The following HMGCLL1 variants were observed in gnomAD, a reference collection of about 807,000 sequenced individuals.
HMGCLL1 encodes the protein 3-hydroxy-3-methylglutaryl-CoA lyase like 1, also known as 3-hydroxymethyl-3-methylglutaryl-CoA lyase, cytoplasmic.
Under a neutral mutation model 39.1 loss-of-function variants are expected in HMGCLL1, and 36 were observed. The ratio of observed to expected loss-of-function variants is 0.92; its 90% CI spans 0.71 to 1.22. HMGCLL1 has a LOEUF of 1.22. Ranked by LOEUF, HMGCLL1 falls within the 50% of genes most tolerant of loss-of-function variation. The pLI, the probability that HMGCLL1 is intolerant of heterozygous loss-of-function variation, is 0.00. For missense variants in HMGCLL1, 451 were observed against 416.5 expected (o/e 1.08, Z -0.72); for synonymous variants, 149 against 144.0 (o/e 1.03, Z -0.25).
chr6:55,539,165 T>C (rs187014969), intron 3 of HMGCLL1, among the ~76,000 whole-genome samples: 10 of 152,186 alleles, frequency 6.6e-5, no homozygotes, highest in Non-Finnish European at 1.5e-4. Flanking sequence ...TTCCACAAAG[T>C]AATACAGTTA....
chr6:55,495,917 C>T (rs550027223), intron 6 of HMGCLL1, among the ~76,000 whole-genome samples: 76 of 152,108 alleles, frequency 5.0e-4, no homozygotes, highest in Non-Finnish European at 9.9e-4. Flanking sequence ...TTATGGGAGG[C>T]GTATGTTTCT....
chr6:55,577,198 T>G, intron 1 of HMGCLL1: 1 of 1,553,388 alleles, frequency 6.4e-7, no homozygotes, highest in Non-Finnish European at 8.7e-7. Context: ...AAGCCAAGTG[T>G]CAGATGTTAG....
At chr6:55,476,455 T>C (rs1765290606) in intron 7 of HMGCLL1, among the ~76,000 whole-genome samples, 1 of 151,650 alleles carries the variant, frequency 6.6e-6, no homozygotes, top group Non-Finnish European at 1.5e-5. Flanking sequence ...ATTTTAATAG[T>C]ATACCTATAA....
chr6:55,634,889 T>G, the HMGCLL1 span, among the ~76,000 whole-genome samples: 1 of 152,108 alleles, frequency 6.6e-6, no homozygotes, highest in Non-Finnish European at 1.5e-5. Context: ...ATAAAAGAAA[T>G]TTAAAGAAAA....
At chr6:55,531,979 T>A (rs1768713007) in intron 3 of HMGCLL1, among the ~76,000 whole-genome samples, 1 of 152,078 alleles carries the variant, frequency 6.6e-6, no homozygotes, top group South Asian at 2.1e-4. Flanking sequence ...GAAAAAGACA[T>A]AGTAAACGTA....
intron 4 of HMGCLL1, among the ~76,000 whole-genome samples, chr6:55,515,460 G>A (rs62405366): frequency 0.16 from 23,979 of 152,058 alleles, 2,413 homozygotes; most frequent in Admixed American, 0.24. Flanking sequence ...ACAAACAACT[G>A]TGTAAACTAA....
the HMGCLL1 span, among the ~76,000 whole-genome samples, chr6:55,610,734 C>G: frequency 1.3e-5 from 2 of 152,120 alleles, no homozygotes; most frequent in African/African-American, 2.4e-5. Flanking sequence ...ACATAATCAT[C>G]AGATTATCCA....
chr6:55,654,644 G>C, the HMGCLL1 span, among the ~76,000 whole-genome samples: 1 of 151,758 alleles, frequency 6.6e-6, no homozygotes, highest in Non-Finnish European at 1.5e-5. Flanking sequence ...GTAAGTGCTT[G>C]ATCAGCACTT....
chr6:55,451,558 C>T (rs1425940014), intron 7 of HMGCLL1, among the ~76,000 whole-genome samples: 1 of 118,332 alleles, frequency 8.5e-6, no homozygotes, highest in African/African-American at 3.3e-5. Flanking sequence ...TCCAAAAAAA[C>T]AAAAACAAAA....
the HMGCLL1 span, among the ~76,000 whole-genome samples, chr6:55,667,741 A>G: frequency 6.6e-6 from 1 of 151,876 alleles, no homozygotes; most frequent in Non-Finnish European, 1.5e-5. Flanking sequence ...ACCAATGTTC[A>G]ATGCCACAAT....
chr6:55,665,804 T>G, the HMGCLL1 span, among the ~76,000 whole-genome samples: 1 of 151,898 alleles, frequency 6.6e-6, no homozygotes. Flanking sequence ...CAATACAGCC[T>G]GTTCTAAAAT....
At chr6:55,664,556 A>G in the HMGCLL1 span, among the ~76,000 whole-genome samples, 1 of 151,756 alleles carries the variant, frequency 6.6e-6, no homozygotes, top group African/African-American at 2.4e-5. Flanking sequence ...GTATTTTTAA[A>G]CTGTCAAATT....
At chr6:55,530,108 A>G (rs1315852784) in intron 3 of HMGCLL1, among the ~76,000 whole-genome samples, 1 of 152,062 alleles carries the variant, frequency 6.6e-6, no homozygotes, top group Non-Finnish European at 1.5e-5. Context: ...TATTTGGGCT[A>G]CTAGAAATAT....
chr6:55,481,797 T>C (rs539037602), intron 7 of HMGCLL1, among the ~76,000 whole-genome samples: 1 of 111,774 alleles, frequency 8.9e-6, no homozygotes, highest in Admixed American at 9.5e-5. Flanking sequence ...TATCTATCTA[T>C]CTACCTACCT....
At chr6:55,471,883 A>G (rs1382589492) in intron 7 of HMGCLL1, among the ~76,000 whole-genome samples, 1 of 151,584 alleles carries the variant, frequency 6.6e-6, no homozygotes, top group Non-Finnish European at 1.5e-5. Flanking sequence ...ACCATGGATT[A>G]GTTTTGCATG....
At chr6:55,536,023 T>G (rs935365099) in intron 3 of HMGCLL1, among the ~76,000 whole-genome samples, 4 of 152,206 alleles carry the variant, frequency 2.6e-5, no homozygotes, top group Non-Finnish European at 5.9e-5. Flanking sequence ...CTCATCAACG[T>G]AAATCTGAAT....
At chr6:55,629,710 C>T in the HMGCLL1 span, among the ~76,000 whole-genome samples, 1 of 152,090 alleles carries the variant, frequency 6.6e-6, no homozygotes, top group Non-Finnish European at 1.5e-5. Flanking sequence ...GGATTTAGTG[C>T]CCTGCATCCC....
intron 1 of HMGCLL1, among the ~76,000 whole-genome samples, chr6:55,562,445 G>A (rs1259142546): frequency 6.6e-6 from 1 of 152,044 alleles, no homozygotes; most frequent in Non-Finnish European, 1.5e-5. Flanking sequence ...TTTTAACGCT[G>A]AGTACTTCGA....
At chr6:55,634,377 G>A in the HMGCLL1 span, among the ~76,000 whole-genome samples, 1 of 148,688 alleles carries the variant, frequency 6.7e-6, no homozygotes, top group Admixed American at 6.8e-5. Context: ...CACACTATAT[G>A]TCTTAAACCT....
Sources: allele counts gnomAD v4.1 joint callset (sites outside exome capture counted in the v4.1 genomes callset), GRCh38; gene constraint gnomAD v4.1.1; transcripts MANE v1.5; gene names NCBI Gene and HGNC (gene_info 2026-07-23, HGNC 2026-07-21).